Variants in SLC35F1 observed in about 807,000 individuals in gnomAD.
The protein encoded by SLC35F1 is solute carrier family 35 member F1, also known as chromosome 6 open reading frame 169.
A neutral mutation model predicts 48.7 loss-of-function variants in SLC35F1; 14 were observed. The ratio of observed to expected loss-of-function variants is 0.29; its 90% CI spans 0.19 to 0.45. The LOEUF (loss-of-function observed/expected upper bound fraction) is 0.45. SLC35F1 is among the 20% of genes least tolerant of loss of function. SLC35F1 has a pLI of 1.00. For synonymous variants in SLC35F1, 190 were observed against 202.2 expected, an observed-to-expected ratio of 0.94 and a Z score of 0.51; for missense variants, 404 against 500.0, an observed-to-expected ratio of 0.81 and a Z score of 1.83.
At chr6:118,210,920 A>G (rs1399949894) in intron 2 of SLC35F1, among the ~76,000 whole-genome samples, 1 of 152,176 alleles carries the variant, frequency 6.6e-6, no homozygotes, top group East Asian at 1.9e-4. Flanking sequence ...AAATCCTAAC[A>G]CCTCGTATCT....
At chr6:117,936,166 G>C (rs553333795) in intron 1 of SLC35F1, among the ~76,000 whole-genome samples, 2 of 152,180 alleles carry the variant, frequency 1.3e-5, no homozygotes, top group Non-Finnish European at 2.9e-5. Context: ...TTGTTGGAGG[G>C]TGAGAGTTGG....
chr6:118,289,268 C>A (rs776987718), intron 7 of SLC35F1, among the ~76,000 whole-genome samples: 23 of 152,186 alleles, frequency 1.5e-4, no homozygotes, highest in Non-Finnish European at 2.5e-4. Context: ...ATCTGGGCAT[C>A]TCTACTTTTG....
intron 3 of SLC35F1, among the ~76,000 whole-genome samples, chr6:118,262,592 G>A (rs187402328): frequency 2.6e-5 from 4 of 152,216 alleles, no homozygotes; most frequent in African/African-American, 4.8e-5. Flanking sequence ...CAGTCCAGAC[G>A]CTAGTGTTTT....
At chr6:117,940,723 C>T (rs963979170) in intron 1 of SLC35F1, among the ~76,000 whole-genome samples, 8 of 151,902 alleles carry the variant, frequency 5.3e-5, no homozygotes, top group African/African-American at 1.7e-4. Flanking sequence ...ATCACAGCTC[C>T]CTGCAGCCTC....
In SLC35F1 at chr6:117,923,610, TATAC is replaced by T. The variant is rs1183421246; in HGVS notation, c.173+15715_173+15718del. Among the ~76,000 whole-genome samples, 14 of 22,608 alleles carry T rather than the reference TATAC, an allele frequency of 6.2e-4. 2 individuals are homozygous for T. The highest frequency in any genetic ancestry group is 1.7e-3 in the African/African-American group (6 of 3,458). The allele number at this position is 22,608 out of a possible 152,430, so 14.8% of individuals were successfully genotyped here. ...ATATATACATATGTGTATATATACATATACATATGTATATATACATATATGTACA... is the reference window on the plus strand; with the variant it reads ...ATATATACATATGTGTATATATACATATATGTATATATACATATATGTACA... On this transcript the variant is annotated intron_variant, in intron 1 of 7. Transcript: ENST00000360388.
intron 2 of SLC35F1, among the ~76,000 whole-genome samples, chr6:118,228,026 T>G (rs113721836): frequency 0.013 from 1,972 of 152,300 alleles, 16 homozygotes; most frequent in Non-Finnish European, 0.02. Flanking sequence ...AATTCCTACG[T>G]GCCACACAGT....
intron 1 of SLC35F1, among the ~76,000 whole-genome samples, chr6:118,011,839 A>G (rs1461895544): frequency 1.3e-5 from 2 of 152,176 alleles, no homozygotes; most frequent in Non-Finnish European, 2.9e-5. Flanking sequence ...CAAATTGTCA[A>G]TAGTCCTGTA....
rs568451873 is a variant in SLC35F1 at position 118,187,069 on chromosome 6, CA to C, written c.349+32450del. ...CTGGACCTTTATTCTGGAGAGATCT[CA>C]TTTTCTTGTAATGTGTACAAGTTGT... On this transcript the variant is annotated intron_variant, in intron 2 of 7. Transcript: ENST00000360388. 1.1e-4 allele frequency among the ~76,000 whole-genome samples: 16 copies of C among 152,308 alleles called. No homozygotes were observed. In the East Asian group the frequency reaches 3.1e-3, roughly 29 times the overall value.
At chr6:118,120,924 CT>C (rs139099924) in intron 1 of SLC35F1, among the ~76,000 whole-genome samples, 49,816 of 152,024 alleles carry the variant, frequency 0.33, 9,239 homozygotes, top group Non-Finnish European at 0.43. Context: ...GCATGATCAT[CT>C]TTTTTTCTTC....
intron 3 of SLC35F1, among the ~76,000 whole-genome samples, chr6:118,239,657 T>C (rs1775411375): frequency 2.0e-5 from 3 of 152,156 alleles, no homozygotes; most frequent in Non-Finnish European, 2.9e-5. Context: ...AAACCTATGT[T>C]CTATACCTGC....
intron 1 of SLC35F1, among the ~76,000 whole-genome samples, chr6:118,046,908 A>G (rs1032364825): frequency 6.6e-6 from 1 of 152,090 alleles, no homozygotes; most frequent in African/African-American, 2.4e-5. Flanking sequence ...ATTTTAACAT[A>G]TATCAAGCTT....
intron 1 of SLC35F1, among the ~76,000 whole-genome samples, chr6:117,977,230 T>G (rs1776717254): frequency 6.6e-6 from 1 of 150,854 alleles, no homozygotes; most frequent in Non-Finnish European, 1.5e-5. Context: ...GGAGTCTCTC[T>G]CCCTCACCCA....
At position 117,923,708 on chromosome 6, in the gene SLC35F1, T is replaced by TAC. The variant is rs71773819; in HGVS notation, c.173+15811_173+15812dup. Among the ~76,000 whole-genome samples the TAC allele has an allele frequency of 2.0e-4, 11 of 54,824 alleles. 3 individuals are homozygous for TAC. Among genetic ancestry groups the TAC allele is most frequent in the Admixed American group, 7.8e-4 (3 of 3,850 alleles). The allele number at this position is 54,824 out of a possible 152,430, so 36.0% of individuals were successfully genotyped here. On this transcript the variant is annotated intron_variant, in intron 1 of 7. Transcript: ENST00000360388. ...ATACATATGTACATATACATATATG[T>TAC]ACATATATACATATATACATATGTA... is the stretch of plus-strand genomic sequence containing the variant.
intron 1 of SLC35F1, among the ~76,000 whole-genome samples, chr6:118,073,292 A>G (rs969677220): frequency 6.6e-6 from 1 of 152,210 alleles, no homozygotes; most frequent in Admixed American, 6.5e-5. Context: ...GTGTTGGGAC[A>G]GCATAGATTT....
chr6:118,169,739 G>A (rs1027792905), intron 2 of SLC35F1, among the ~76,000 whole-genome samples: 2 of 151,848 alleles, frequency 1.3e-5, no homozygotes, highest in Non-Finnish European at 2.9e-5. Context: ...CATCATTTAT[G>A]ACATAAATTG....
intron 1 of SLC35F1, among the ~76,000 whole-genome samples, chr6:117,992,784 T>C (rs906480419): frequency 1.3e-5 from 2 of 152,238 alleles, no homozygotes; most frequent in Non-Finnish European, 1.5e-5. Context: ...ATTCCTTATT[T>C]TGAAATTAAT....
intron 1 of SLC35F1, among the ~76,000 whole-genome samples, chr6:118,004,059 A>T (rs919978604): frequency 1.3e-5 from 2 of 152,206 alleles, no homozygotes; most frequent in Non-Finnish European, 2.9e-5. Context: ...AGTCACTAAG[A>T]TATTGTTATT....
chr6:118,096,016 C>T (rs1773171470), intron 1 of SLC35F1, among the ~76,000 whole-genome samples: 1 of 152,076 alleles, frequency 6.6e-6, no homozygotes, highest in Non-Finnish European at 1.5e-5. Flanking sequence ...GAATGTGAGC[C>T]ATGTGAGAGG....
chr6:118,012,111 A>C (rs1194472702), intron 1 of SLC35F1, among the ~76,000 whole-genome samples: 1 of 152,120 alleles, frequency 6.6e-6, no homozygotes, highest in Non-Finnish European at 1.5e-5. Context: ...AGGAAAAAAA[A>C]TCTTTTATAT....
Sources: gnomAD v4.1 joint callset for allele counts (sites outside exome capture counted in the v4.1 genomes callset) on GRCh38, gnomAD v4.1.1 for gene constraint, MANE v1.5 for transcripts, NCBI Gene and HGNC (gene_info 2026-07-23, HGNC 2026-07-21) for gene names.